KPNA1: variants seen among roughly 807,000 people sequenced by gnomAD.
KPNA1 encodes importin subunit alpha-5.
A neutral mutation model predicts 70.5 loss-of-function variants in KPNA1; 10 were observed. That is an observed-to-expected ratio of 0.14 (90% CI 0.09 to 0.24). The LOEUF (loss-of-function observed/expected upper bound fraction) is 0.24. KPNA1 is among the 10% of genes least tolerant of loss of function. KPNA1 has a pLI of 1.00. For synonymous variants in KPNA1, 192 were observed against 221.9 expected, an observed-to-expected ratio of 0.87 and a Z score of 1.20; for missense variants, 397 against 637.9, an observed-to-expected ratio of 0.62 and a Z score of 4.07.
chr3:122,453,153 C>T (rs2107738083), intron 6 of KPNA1, among the ~76,000 whole-genome samples: 1 of 152,258 alleles, frequency 6.6e-6, no homozygotes, highest in Admixed American at 6.5e-5. Context: ...CCATGTTGCC[C>T]TGGCTGGTCT....
rs1484972412 is a variant in KPNA1 at position 122,426,106 on chromosome 3, TC to T, written c.*878del. 1 of 152,182 alleles carries T rather than the reference TC, an allele frequency of 6.6e-6. No individual in the cohort carries two copies. The highest frequency in any genetic ancestry group is 2.4e-5 in the African/African-American group (1 of 41,420). The allele number at this position is 152,182 out of a possible 1,614,324, so 9.4% of individuals were successfully genotyped here. ...TTGGGAAAATTGGAGGGTTTTTTCG[TC>T]CTTAGTTTTTTTTATTAAATTACAG... On this transcript the variant is annotated 3_prime_UTR_variant, in exon 14 of 14. Coordinates refer to ENST00000344337, the MANE Select transcript of KPNA1 (RefSeq NM_002264.4).
At chr3:122,487,659 AG>A (rs1306975534) in intron 2 of KPNA1, among the ~76,000 whole-genome samples, 1 of 152,236 alleles carries the variant, frequency 6.6e-6, no homozygotes, top group East Asian at 1.9e-4. Flanking sequence ...CAGTTACAAG[AG>A]GACAAATATT....
chr3:122,501,495 C>A (rs901281507), intron 1 of KPNA1, among the ~76,000 whole-genome samples: 6 of 152,076 alleles, frequency 3.9e-5, no homozygotes, highest in African/African-American at 1.4e-4. Context: ...GGAGTATGTT[C>A]TTTAACTTAC....
intron 2 of KPNA1, among the ~76,000 whole-genome samples, chr3:122,489,453 GT>G (rs1255412686): frequency 2.6e-5 from 4 of 151,750 alleles, no homozygotes; most frequent in Admixed American, 2.6e-4. Context: ...GCCTGGCTAA[GT>G]TTTTTATTTA....
chr3:122,513,471 T>C (rs1358711337), intron 1 of KPNA1, among the ~76,000 whole-genome samples: 3 of 152,196 alleles, frequency 2.0e-5, no homozygotes, highest in African/African-American at 7.2e-5. Context: ...AAAAATAACT[T>C]GTGTACTGCT....
At chr3:122,465,626 G>A (rs879262404) in intron 3 of KPNA1, among the ~76,000 whole-genome samples, 20 of 152,212 alleles carry the variant, frequency 1.3e-4, no homozygotes, top group Non-Finnish European at 1.8e-4. Context: ...ATCTGGCTGG[G>A]TGCGGTGGCT....
chr3:122,493,526 G>C lies in KPNA1; in HGVS notation c.129+2911C>G, dbSNP rs540783271. ...CCACAAAGAGCCTTGGAAAGCCTCA[G>C]GAATTTTTCTTAATTGAGCTGTAAC... is the stretch of plus-strand genomic sequence containing the variant. On this transcript the variant is annotated intron_variant, in intron 2 of 13. Transcript: ENST00000344337. Among the ~76,000 whole-genome samples, 5 of 152,256 alleles carry C rather than the reference G, an allele frequency of 3.3e-5. No homozygotes were observed. In the East Asian group the frequency reaches 9.6e-4, roughly 29 times the overall value.
chr3:122,501,303 G>A (rs2076827020), intron 1 of KPNA1, among the ~76,000 whole-genome samples: 1 of 152,148 alleles, frequency 6.6e-6, no homozygotes, highest in Non-Finnish European at 1.5e-5. Context: ...TGGGATTACA[G>A]GTGTAAGCCA....
intron 2 of KPNA1, among the ~76,000 whole-genome samples, chr3:122,492,730 A>T (rs1245039991): frequency 1.3e-5 from 2 of 152,182 alleles, no homozygotes; most frequent in Non-Finnish European, 2.9e-5. Flanking sequence ...AGGAGACTCA[A>T]CTCAGAGCCT....
chr3:122,427,080 C>A lies in KPNA1; in HGVS notation c.1522G>T (p.Asp508Tyr). The A allele has an allele frequency of 6.2e-7, 1 of 1,614,148 alleles. No homozygotes were observed. The highest frequency in any genetic ancestry group is 2.2e-5 in the East Asian group (1 of 44,880). Reference protein sequence around the residue: ...DLIEHYFGTEDEDSSIAPQVD... With the variant: ...DLIEHYFGTEYEDSSIAPQVD... Reference sequence around the variant, plus strand: ...TGGGGTGCAATGCTGCTGTCTTCATCTTCGGTCCCGAAGTAATGCTCAATA... The same window carrying A: ...TGGGGTGCAATGCTGCTGTCTTCATATTCGGTCCCGAAGTAATGCTCAATA... The change falls in exon 14 of 14, where the codon GAT becomes TAT. Residue 508 changes from aspartate to tyrosine, a missense_variant. Asp to Tyr is a radical substitution (Grantham distance 160). Transcript: ENST00000344337.
At chr3:122,473,773 G>A (rs934044408) in intron 2 of KPNA1, among the ~76,000 whole-genome samples, 38 of 152,114 alleles carry the variant, frequency 2.5e-4, no homozygotes, top group African/African-American at 4.8e-4. Context: ...GAAACTAGAA[G>A]CTTCTCTGCT....
At chr3:122,494,031 T>G (rs1189202592) in intron 2 of KPNA1, among the ~76,000 whole-genome samples, 1 of 152,176 alleles carries the variant, frequency 6.6e-6, no homozygotes, top group Non-Finnish European at 1.5e-5. Context: ...TTGTTTGAGT[T>G]CCTTGTAGAT....
intron 3 of KPNA1, among the ~76,000 whole-genome samples, chr3:122,465,240 A>C (rs1436179637): frequency 1.3e-5 from 2 of 152,198 alleles, no homozygotes; most frequent in Non-Finnish European, 2.9e-5. Flanking sequence ...ACTTACAATG[A>C]ATGGGGTTAT....
In KPNA1 at chr3:122,426,352, C is replaced by G. The variant is rs963417544; in HGVS notation, c.*633G>C. ...ATTCCTGACAACTAGAAAGCACATT[C>G]ACTGAAGGCTGAAGGTGAGGGAGTG... On this transcript the variant is annotated 3_prime_UTR_variant, in exon 14 of 14. Coordinates refer to ENST00000344337, the MANE Select transcript of KPNA1 (RefSeq NM_002264.4). The G allele has an allele frequency of 2.0e-5, 3 of 152,604 alleles. No individual in the cohort carries two copies. Among genetic ancestry groups the G allele is most frequent in the African/African-American group, 7.2e-5 (3 of 41,430 alleles). 9.5% of individuals were successfully genotyped at this position (152,604 alleles called of 1,614,324 possible).
At position 122,437,249 on chromosome 3, in the gene KPNA1, C is replaced by T; in HGVS notation, c.1043G>A (p.Ser348Asn). 1.2e-6 allele frequency: 2 copies of T among 1,613,750 alleles called. No individual in the cohort carries two copies. Among genetic ancestry groups the T allele is most frequent in the Non-Finnish European group, 1.7e-6 (2 of 1,179,746 alleles). The change falls in exon 11 of 14, where the codon AGT becomes AAT. Residue 348 changes from serine to asparagine, a missense_variant. Ser to Asn is a conservative substitution (Grantham distance 46, BLOSUM62 1). Coordinates refer to ENST00000344337, the MANE Select transcript of KPNA1 (RefSeq NM_002264.4). ...SALQSLLHLL[S>N]SPKESIKKEA... ...CTTTTTGATAGATTCCTTTGGGCTA[C>T]TCAGCAAATGCAATAAACTCTGCAG...
intron 2 of KPNA1, chr3:122,482,919 A>G (rs2076587916): frequency 6.6e-6 from 1 of 152,288 alleles, no homozygotes; most frequent in Non-Finnish European, 1.5e-5. Flanking sequence ...ACGGGACAGG[A>G]CAGCAATAGC....
chr3:122,498,005 T>C (rs531309633), intron 1 of KPNA1, among the ~76,000 whole-genome samples: 1 of 152,340 alleles, frequency 6.6e-6, no homozygotes, highest in South Asian at 2.1e-4. Flanking sequence ...TCCAAGAGTT[T>C]TAACTGATAC....
At chr3:122,479,295 C>A (rs567010869) in intron 2 of KPNA1, among the ~76,000 whole-genome samples, 1 of 152,048 alleles carries the variant, frequency 6.6e-6, no homozygotes, top group African/African-American at 2.4e-5. Flanking sequence ...ATCAGGGAAA[C>A]GCAAACTAAA....
At chr3:122,486,052 C>G (rs1414635551) in intron 2 of KPNA1, among the ~76,000 whole-genome samples, 1 of 152,114 alleles carries the variant, frequency 6.6e-6, no homozygotes, top group Non-Finnish European at 1.5e-5. Flanking sequence ...ATAGTACAAC[C>G]TATTTTGGCA....
Sources: gnomAD v4.1 joint callset for allele counts (sites outside exome capture counted in the v4.1 genomes callset) on GRCh38, gnomAD v4.1.1 for gene constraint, MANE v1.5 for transcripts, NCBI Gene and HGNC (gene_info 2026-07-23, HGNC 2026-07-21) for gene names.